HVCN1: variants seen among roughly 807,000 people sequenced by gnomAD.
HVCN1 encodes the protein hydrogen voltage gated channel 1.
In HVCN1, 14 loss-of-function variants were observed where a neutral mutation model predicts 29.2. That is an observed-to-expected ratio of 0.48 (90% CI 0.32 to 0.75). The LOEUF is 0.75. Ranked by LOEUF, HVCN1 falls within the 30% of genes least tolerant of loss-of-function variation. The pLI, the probability that HVCN1 is intolerant of heterozygous loss-of-function variation, is 0.04. For synonymous variants in HVCN1, 131 were observed against 133.2 expected (o/e 0.98, Z 0.11); for missense variants, 263 against 341.8 (o/e 0.77, Z 1.82).
intron 2 of HVCN1, among the ~76,000 whole-genome samples, chr12:110,696,966 G>T (rs1349271908): frequency 6.6e-6 from 1 of 151,932 alleles, no homozygotes; most frequent in Non-Finnish European, 1.5e-5. Flanking sequence ...GAGTAGGGAA[G>T]GAAAAAGGGG....
At chr12:110,686,678 T>C (rs960769589) in intron 2 of HVCN1, among the ~76,000 whole-genome samples, 1 of 152,158 alleles carries the variant, frequency 6.6e-6, no homozygotes, top group African/African-American at 2.4e-5. Context: ...CCCTTCTCCA[T>C]TAAACTAGCC....
chr12:110,649,069 T>TATACACGTGAAATTTGAAAACTGTA lies in HVCN1; in HGVS notation c.*316_*340dup, dbSNP rs1445711500. 1 of 565,374 alleles carries TATACACGTGAAATTTGAAAACTGTA rather than the reference T, an allele frequency of 1.8e-6. No homozygotes were observed. Among genetic ancestry groups the TATACACGTGAAATTTGAAAACTGTA allele is most frequent in the Non-Finnish European group, 3.3e-6 (1 of 299,138 alleles). The allele number at this position is 565,374 out of a possible 1,614,324, so 35.0% of individuals were successfully genotyped here. A position where few individuals can be genotyped will look rare whatever the true frequency, so the allele number is the denominator to read the frequency against. On this transcript the variant is annotated 3_prime_UTR_variant, in exon 8 of 8. Coordinates refer to ENST00000242607, the MANE Select transcript of HVCN1 (RefSeq NM_032369.4). ...ATGCTCAGATGCATCAGTTCCTTAA[T>TATACACGTGAAATTTGAAAACTGTA]ATACACGTGAAATTTGAAAACTGTA...
intron 2 of HVCN1, among the ~76,000 whole-genome samples, chr12:110,698,353 G>A (rs143013252): frequency 6.6e-6 from 1 of 152,336 alleles, no homozygotes; most frequent in South Asian, 2.1e-4. Context: ...GGAGGCAGAA[G>A]ACACTAGAAA....
intron 3 of HVCN1, among the ~76,000 whole-genome samples, chr12:110,668,428 C>G (rs1225052074): frequency 1.3e-5 from 2 of 152,112 alleles, no homozygotes. Flanking sequence ...TTGCTTGAAC[C>G]TAGGAGGCAG....
At chr12:110,657,367 T>C (rs1358496703) in intron 4 of HVCN1, among the ~76,000 whole-genome samples, 2 of 152,052 alleles carry the variant, frequency 1.3e-5, no homozygotes, top group East Asian at 1.9e-4. Flanking sequence ...TGATGGTGTG[T>C]GCCTGTAATC....
chr12:110,692,510 A>G (rs1264646039), upstream of HVCN1, among the ~76,000 whole-genome samples: 1 of 152,172 alleles, frequency 6.6e-6, no homozygotes, highest in East Asian at 1.9e-4. Context: ...GCTTGAGCCC[A>G]GGAGTTCAAG....
intron 3 of HVCN1, among the ~76,000 whole-genome samples, chr12:110,674,751 G>A (rs542295450): frequency 9.9e-4 from 150 of 152,208 alleles, no homozygotes; most frequent in African/African-American, 3.2e-3. Flanking sequence ...CTGAGGCCTC[G>A]CCAGCCATAT....
intron 2 of HVCN1, among the ~76,000 whole-genome samples, chr12:110,699,115 G>T (rs188665642): frequency 9.1e-4 from 138 of 152,306 alleles, no homozygotes; most frequent in African/African-American, 3.3e-3. Context: ...GCAACAGAGT[G>T]AGACTCCATC....
intron 2 of HVCN1, among the ~76,000 whole-genome samples, chr12:110,702,110 C>CA (rs1160449260): frequency 1.3e-5 from 2 of 151,542 alleles, no homozygotes; most frequent in Non-Finnish European, 2.9e-5. Context: ...TGGTCTAACA[C>CA]ATCACAGGCA....
chr12:110,670,521 C>T (rs1046948104), intron 3 of HVCN1, among the ~76,000 whole-genome samples: 1 of 152,236 alleles, frequency 6.6e-6, no homozygotes, highest in Non-Finnish European at 1.5e-5. Context: ...CTTCCATGCA[C>T]TATTTCATTT....
intron 2 of HVCN1, 134 bp downstream of exon 2, chr12:110,688,491 G>A (rs1477251958): frequency 2.6e-5 from 4 of 152,384 alleles, no homozygotes; most frequent in African/African-American, 9.7e-5. Context: ...CCTCCTTCAG[G>A]GATGGCTGGG....
At chr12:110,667,220 C>T (rs909012281) in intron 3 of HVCN1, among the ~76,000 whole-genome samples, 1 of 152,130 alleles carries the variant, frequency 6.6e-6, no homozygotes, top group African/African-American at 2.4e-5. Context: ...CTGCAACCTC[C>T]ACCTCCTGGG....
chr12:110,667,802 C>A (rs867738422), intron 3 of HVCN1, among the ~76,000 whole-genome samples: 10 of 152,166 alleles, frequency 6.6e-5, no homozygotes, highest in South Asian at 2.1e-4. Context: ...AGTGTGGGAA[C>A]CTCAAGGTAC....
intron 2 of HVCN1, among the ~76,000 whole-genome samples, 161 bp from the exon 3 acceptor site, chr12:110,683,425 T>A (rs1438311524): frequency 6.6e-6 from 1 of 152,218 alleles, no homozygotes; most frequent in African/African-American, 2.4e-5. Context: ...AGGGCATACA[T>A]CCTGGATATA....
chr12:110,678,810 A>G (rs2068844719), intron 3 of HVCN1, among the ~76,000 whole-genome samples: 1 of 152,148 alleles, frequency 6.6e-6, no homozygotes, highest in African/African-American at 2.4e-5. Context: ...GGACTCACCA[A>G]TGCGTTGAGT....
chr12:110,681,279 A>G lies in HVCN1; in HGVS notation c.21+1946T>C, dbSNP rs1045261803. Reference sequence around the variant, plus strand: ...AGTGTTGTCTCATGTGCTAAGAAACATGGTGCCATAAATTGTACTTTTTCT... The same window carrying G: ...AGTGTTGTCTCATGTGCTAAGAAACGTGGTGCCATAAATTGTACTTTTTCT... On this transcript the variant is annotated intron_variant, in intron 3 of 7. Transcript: ENST00000242607. Among the ~76,000 whole-genome samples the G allele has an allele frequency of 4.6e-5, 7 of 152,200 alleles. No homozygotes were observed. In the East Asian group the frequency reaches 7.7e-4, roughly 17 times the overall value.
At chr12:110,650,832 T>G (rs2067779437) in intron 6 of HVCN1, among the ~76,000 whole-genome samples, 2 of 151,988 alleles carry the variant, frequency 1.3e-5, no homozygotes, top group South Asian at 4.2e-4. Flanking sequence ...TGGCTGGGAC[T>G]ACATGTGTGC....
upstream of HVCN1, among the ~76,000 whole-genome samples, chr12:110,691,124 G>A (rs1415696615): frequency 2.0e-5 from 3 of 150,962 alleles, no homozygotes; most frequent in East Asian, 2.0e-4. Flanking sequence ...GTGCAGTGGC[G>A]CGACCTCGGC....
intron 6 of HVCN1, 24 bp from the exon 7 acceptor site, chr12:110,650,304 G>A (rs1213779322): frequency 7.0e-7 from 1 of 1,435,998 alleles, no homozygotes; most frequent in Non-Finnish European, 9.8e-7. Flanking sequence ...GGGGGTCTCA[G>A]TGATACTGGT....
Sources: allele counts gnomAD v4.1 joint callset (sites outside exome capture counted in the v4.1 genomes callset), GRCh38; gene constraint gnomAD v4.1.1; transcripts MANE v1.5; gene names NCBI Gene and HGNC (gene_info 2026-07-23, HGNC 2026-07-21).